Variants in SEMA3A observed in about 807,000 individuals in gnomAD.
The protein encoded by SEMA3A is semaphorin-3A.
Under a neutral mutation model 97.9 loss-of-function variants are expected in SEMA3A, and 29 were observed. The ratio of observed to expected loss-of-function variants is 0.30; its 90% confidence interval spans 0.22 to 0.40. The LOEUF is 0.40. Among genes scored for constraint, SEMA3A ranks in the 10% least tolerant of loss-of-function variants. SEMA3A has a pLI of 1.00. For synonymous variants in SEMA3A, 321 were observed against 323.7 expected, an observed-to-expected ratio of 0.99 and a Z score of 0.09; for missense variants, 763 against 951.3, an observed-to-expected ratio of 0.80 and a Z score of 2.60.
At chr7:84,429,543 T>TATATATATATATATAC (rs1804920028) in intron 1 of SEMA3A, among the ~76,000 whole-genome samples, 3 of 121,722 alleles carry the variant, frequency 2.5e-5, no homozygotes, top group Non-Finnish European at 5.0e-5. Flanking sequence ...TATATATATA[T>TATATATATATATATAC]ATATAGCGAG....
intron 1 of SEMA3A, among the ~76,000 whole-genome samples, chr7:84,418,473 C>G (rs1300061613): frequency 6.6e-6 from 1 of 152,056 alleles, no homozygotes; most frequent in African/African-American, 2.4e-5. Context: ...AGCTACAATT[C>G]AAGATGAGAT....
At chr7:84,405,887 A>G (rs1242320623) in intron 1 of SEMA3A, among the ~76,000 whole-genome samples, 2 of 152,218 alleles carry the variant, frequency 1.3e-5, no homozygotes, top group African/African-American at 2.4e-5. Flanking sequence ...TCTCTGGGAC[A>G]CATTCAAAGC....
intron 1 of SEMA3A, among the ~76,000 whole-genome samples, chr7:84,163,871 G>A (rs1797124364): frequency 7.0e-6 from 1 of 142,578 alleles, no homozygotes. Flanking sequence ...TTAAGAAGGA[G>A]TTTTGCTCTT....
At chr7:83,973,701 G>A (rs531775833) in intron 15 of SEMA3A, among the ~76,000 whole-genome samples, 1 of 152,252 alleles carries the variant, frequency 6.6e-6, no homozygotes, top group Admixed American at 6.6e-5. Context: ...AATTGAGATG[G>A]ACAGTTATGG....
At chr7:84,010,795 CTGTT>C (rs1010843312) in intron 9 of SEMA3A, among the ~76,000 whole-genome samples, 1 of 152,062 alleles carries the variant, frequency 6.6e-6, no homozygotes, top group African/African-American at 2.4e-5. Context: ...ACATTTCAAA[CTGTT>C]TATTACATAT....
intron 1 of SEMA3A, among the ~76,000 whole-genome samples, chr7:84,398,729 G>C (rs929996547): frequency 1.3e-5 from 2 of 151,884 alleles, no homozygotes; most frequent in Admixed American, 6.6e-5. Context: ...GATCACTAGA[G>C]CCCAGGAGTT....
chr7:84,235,302 G>C (rs1449148131), intron 3 of SEMA3A, among the ~76,000 whole-genome samples: 2 of 151,734 alleles, frequency 1.3e-5, no homozygotes, highest in Non-Finnish European at 2.9e-5. Flanking sequence ...AGATAAACTG[G>C]TATGATGCAT....
chr7:84,068,293 G>T (rs1464261791), intron 4 of SEMA3A, among the ~76,000 whole-genome samples: 1 of 145,504 alleles, frequency 6.9e-6, no homozygotes, highest in Non-Finnish European at 1.5e-5. Context: ...TGAGGGGGGA[G>T]GGATAGCATT....
chr7:84,023,332 C>T (rs528861372), intron 6 of SEMA3A, among the ~76,000 whole-genome samples: 2 of 152,284 alleles, frequency 1.3e-5, no homozygotes, highest in African/African-American at 4.8e-5. Flanking sequence ...GGACCTATCC[C>T]TTCCACCAAC....
At chr7:84,150,091 T>C (rs544633911) in intron 1 of SEMA3A, among the ~76,000 whole-genome samples, 2 of 152,322 alleles carry the variant, frequency 1.3e-5, no homozygotes, top group East Asian at 1.9e-4. Flanking sequence ...GATTGAATAG[T>C]TGAAAGTAGT....
intron 2 of SEMA3A, among the ~76,000 whole-genome samples, chr7:84,341,441 TC>T (rs1459753157): frequency 6.6e-6 from 1 of 152,054 alleles, no homozygotes; most frequent in Non-Finnish European, 1.5e-5. Flanking sequence ...ATAATTTTTT[TC>T]TAAATTAAAA....
intron 1 of SEMA3A, among the ~76,000 whole-genome samples, chr7:84,481,275 A>G (rs1806438323): frequency 6.6e-6 from 1 of 152,188 alleles, no homozygotes; most frequent in Admixed American, 6.6e-5. Flanking sequence ...CACCTTTTGC[A>G]TGTGTCTCAT....
At chr7:84,085,884 T>C (rs1270287847) in intron 4 of SEMA3A, among the ~76,000 whole-genome samples, 1 of 152,170 alleles carries the variant, frequency 6.6e-6, no homozygotes, top group African/African-American at 2.4e-5. Flanking sequence ...CCCTCTTTTC[T>C]GGAAGACGGA....
intron 1 of SEMA3A, among the ~76,000 whole-genome samples, chr7:84,490,973 A>G (rs1217011028): frequency 6.6e-6 from 1 of 152,210 alleles, no homozygotes; most frequent in African/African-American, 2.4e-5. Context: ...AAAGTATTTC[A>G]TGAAGAATGA....
chr7:84,416,659 T>A (rs1442379130), intron 1 of SEMA3A, among the ~76,000 whole-genome samples: 1 of 152,166 alleles, frequency 6.6e-6, no homozygotes, highest in Non-Finnish European at 1.5e-5. Flanking sequence ...CTTTCAAACA[T>A]GAATCTTGGG....
chr7:84,348,555 T>C (rs1318695697), intron 2 of SEMA3A, among the ~76,000 whole-genome samples: 3 of 152,154 alleles, frequency 2.0e-5, no homozygotes, highest in African/African-American at 7.2e-5. Context: ...ACCCCTAAAG[T>C]ACATACTGCA....
At chr7:84,205,954 C>T (rs1798482480) in intron 3 of SEMA3A, among the ~76,000 whole-genome samples, 1 of 152,156 alleles carries the variant, frequency 6.6e-6, no homozygotes, top group South Asian at 2.1e-4. Flanking sequence ...TTTAAACAAA[C>T]TTAGGCTTCA....
At chr7:84,219,728 C>T (rs1318988051) in intron 3 of SEMA3A, among the ~76,000 whole-genome samples, 3 of 152,312 alleles carry the variant, frequency 2.0e-5, no homozygotes, top group African/African-American at 4.8e-5. Context: ...AGTGTAGTTA[C>T]CTTCACTAAT....
intron 1 of SEMA3A, among the ~76,000 whole-genome samples, chr7:84,155,835 G>A (rs1414766300): frequency 1.3e-5 from 2 of 151,944 alleles, no homozygotes; most frequent in Non-Finnish European, 2.9e-5. Context: ...TAACTGTAGG[G>A]TAAAAGAAGA....
Sources: allele counts gnomAD v4.1 joint callset (sites outside exome capture counted in the v4.1 genomes callset), GRCh38; gene constraint gnomAD v4.1.1; transcripts MANE v1.5; gene names NCBI Gene and HGNC (gene_info 2026-07-23, HGNC 2026-07-21).